The following EMB variants were observed in gnomAD, a reference collection of about 807,000 sequenced individuals.
EMB encodes embigin, also known as embigin homolog.
A neutral mutation model predicts 41.4 loss-of-function variants in EMB; 31 were observed. The ratio of observed to expected loss-of-function variants is 0.75; its 90% CI spans 0.56 to 1.01. The LOEUF (loss-of-function observed/expected upper bound fraction) is 1.01. Among genes scored for constraint, EMB ranks in the 50% least tolerant of loss-of-function variants. The pLI is 0.00. For missense variants in EMB, 379 were observed against 388.3 expected, an observed-to-expected ratio of 0.98 and a Z score of 0.20; for synonymous variants, 137 against 140.4, an observed-to-expected ratio of 0.98 and a Z score of 0.17.
intron 1 of EMB, among the ~76,000 whole-genome samples, chr5:50,437,471 C>A (rs1220902127): frequency 6.6e-6 from 1 of 151,956 alleles, no homozygotes; most frequent in Non-Finnish European, 1.5e-5. Flanking sequence ...TACTTTGTAC[C>A]CCATCAAACT....
intron 1 of EMB, among the ~76,000 whole-genome samples, chr5:50,436,053 A>G (rs937929145): frequency 2.1e-4 from 32 of 152,200 alleles, no homozygotes; most frequent in Non-Finnish European, 1.0e-4. Context: ...CTATTAGTAA[A>G]GAATGGTATT....
chr5:50,412,586 C>A (rs1745359530), intron 2 of EMB, among the ~76,000 whole-genome samples: 2 of 151,906 alleles, frequency 1.3e-5, no homozygotes, highest in Admixed American at 6.6e-5. Flanking sequence ...GCCTTTCTCT[C>A]CTCCTCTCCT....
intron 2 of EMB, among the ~76,000 whole-genome samples, chr5:50,421,501 T>A (rs1745522682): frequency 6.6e-6 from 1 of 152,036 alleles, no homozygotes; most frequent in Admixed American, 6.6e-5. Flanking sequence ...TCCTCAGGGA[T>A]CTAGAACTAG....
At chr5:50,437,737 C>T (rs1745828118) in intron 1 of EMB, among the ~76,000 whole-genome samples, 1 of 151,842 alleles carries the variant, frequency 6.6e-6, no homozygotes, top group South Asian at 2.1e-4. Flanking sequence ...TAGAAAGCTG[C>T]TGTGTTTGGG....
upstream of EMB, among the ~76,000 whole-genome samples, chr5:50,442,580 TCTC>T (rs1471871168): frequency 6.6e-6 from 1 of 152,142 alleles, no homozygotes; most frequent in African/African-American, 2.4e-5. Flanking sequence ...AAAAGCCTCT[TCTC>T]AGAAAATTAT....
intron 2 of EMB, among the ~76,000 whole-genome samples, chr5:50,420,131 G>A (rs534010152): frequency 3.9e-5 from 6 of 152,146 alleles, no homozygotes; most frequent in East Asian, 1.9e-4. Flanking sequence ...CATGGCACAC[G>A]TTTACCTATG....
upstream of EMB, chr5:50,442,846 T>C (rs1486774149): frequency 6.6e-6 from 1 of 152,152 alleles, no homozygotes; most frequent in Non-Finnish European, 1.5e-5. Context: ...TCTGACTGAC[T>C]TTTCCCAGTT....
At position 50,403,342 on chromosome 5, in the gene EMB, C is replaced by T. The variant is rs776003200; in HGVS notation, c.713G>A (p.Arg238His). The change falls in exon 6 of 9, where the codon CGT becomes CAT. Residue 238 changes from arginine (R) to histidine (H), a missense_variant. Coordinates refer to ENST00000303221, the MANE Select transcript of EMB (RefSeq NM_198449.3). ...LEEDGESYWCRALFQLGESEE... is the reference protein window; with the variant it reads ...LEEDGESYWCHALFQLGESEE... ...ACTCTCGCCTAATTGGAATAGTGCACGGCACCAGTAAGATTCCCCATCTTC... is the reference window on the plus strand; with the variant it reads ...ACTCTCGCCTAATTGGAATAGTGCATGGCACCAGTAAGATTCCCCATCTTC... 1.2e-5 allele frequency: 19 copies of T among 1,612,580 alleles called. No individual in the cohort carries two copies. The highest frequency in any genetic ancestry group is 8.0e-5 in the African/African-American group (6 of 74,764).
At chr5:50,406,482 C>T (rs752069843) in intron 4 of EMB, among the ~76,000 whole-genome samples, 2 of 151,008 alleles carry the variant, frequency 1.3e-5, no homozygotes, top group Non-Finnish European at 3.0e-5. Context: ...AAGTAGATTC[C>T]ATTAGAAACA....
intron 2 of EMB, among the ~76,000 whole-genome samples, chr5:50,412,635 T>G (rs1297276757): frequency 6.7e-6 from 1 of 149,804 alleles, no homozygotes; most frequent in Non-Finnish European, 1.5e-5. Context: ...CACTTTTAAC[T>G]GGCCCTTTGA....
intron 1 of EMB, among the ~76,000 whole-genome samples, chr5:50,440,104 ACACACACACATG>A (rs1195069726): frequency 5.9e-5 from 9 of 152,016 alleles, no homozygotes; most frequent in African/African-American, 2.2e-4. Flanking sequence ...TCACACATAC[ACACACACACATG>A]CACACACACA....
chr5:50,438,741 G>T (rs555674676), intron 1 of EMB, among the ~76,000 whole-genome samples: 12 of 152,126 alleles, frequency 7.9e-5, no homozygotes, highest in African/African-American at 2.9e-4. Context: ...GCTTAAATTC[G>T]ATGCTAACTT....
At chr5:50,399,747 A>C (rs558424353) in intron 8 of EMB, 112 bp downstream of exon 8, 1 of 799,906 alleles carries the variant, frequency 1.3e-6, no homozygotes, top group African/African-American at 1.8e-5. Context: ...ATTTGAGCAC[A>C]TCATAAATGA....
chr5:50,410,936 C>T lies in EMB; in HGVS notation c.413G>A (p.Gly138Glu). The T allele has an allele frequency of 2.5e-6, 4 of 1,605,474 alleles. No homozygotes were observed. Among genetic ancestry groups the T allele is most frequent in the Non-Finnish European group, 3.4e-6 (4 of 1,176,712 alleles). The change falls in exon 4 of 9, where the codon GGA becomes GAA. Residue 138 changes from glycine (G) to glutamate (E), a missense_variant. Gly to Glu is a moderately conservative substitution (Grantham distance 98, BLOSUM62 -2). Transcript: ENST00000303221. ...RFTIINSKQM[G>E]SYSCFFREEK... ...CTCTCGAAAGAAACAAGAATAACTTCCCATTTGTTTGCTATTAATGATGGT... is the reference window on the plus strand; with the variant it reads ...CTCTCGAAAGAAACAAGAATAACTTTCCATTTGTTTGCTATTAATGATGGT...
At chr5:50,405,582 CTT>C (rs1271102386) in intron 5 of EMB, 141 bp downstream of exon 5, 17 of 1,234,370 alleles carry the variant, frequency 1.4e-5, no homozygotes, top group Admixed American at 7.0e-5. Context: ...TGTCACTGCT[CTT>C]TCTTTATGAA....
rs139530854 is a variant in EMB at position 50,428,161 on chromosome 5, T to C, written c.179A>G (p.His60Arg). 5 of 1,609,636 alleles carry C rather than the reference T, an allele frequency of 3.1e-6. No homozygotes were observed. Among genetic ancestry groups the C allele is most frequent in the Non-Finnish European group, 4.3e-6 (5 of 1,176,442 alleles). Reference sequence around the variant, plus strand: ...ACATTTACCAGTCAGTGATATGTTATGACTCTCCAAGGAAAAGTTATTTGC... The same window carrying C: ...ACATTTACCAGTCAGTGATATGTTACGACTCTCCAAGGAAAAGTTATTTGC... ...IMANNFSLESHNISLTEHSSM... is the reference protein window; with the variant it reads ...IMANNFSLESRNISLTEHSSM... The change falls in exon 2 of 9, where the codon CAT (histidine) becomes CGT (arginine). Residue 60 changes from histidine (H) to arginine (R), a missense_variant. Physicochemically the swap from His to Arg is conservative, Grantham distance 29 (BLOSUM62 0). Coordinates refer to ENST00000303221, the MANE Select transcript of EMB (RefSeq NM_198449.3).
At chr5:50,424,512 G>C (rs927513892) in intron 2 of EMB, among the ~76,000 whole-genome samples, 1 of 152,186 alleles carries the variant, frequency 6.6e-6, no homozygotes, top group African/African-American at 2.4e-5. Flanking sequence ...GTGAGGTCCT[G>C]TGCCTGTGAT....
At chr5:50,405,591 T>G in intron 5 of EMB, 134 bp downstream of exon 5, 1 of 1,288,394 alleles carries the variant, frequency 7.8e-7, no homozygotes, top group East Asian at 2.8e-5. Context: ...TCTTTCTTTA[T>G]GAACATAAGC....
At position 50,399,253 on chromosome 5, in the gene EMB, C is replaced by G. The variant is rs1464501574; in HGVS notation, c.*20G>C. 1 of 1,608,036 alleles carries G rather than the reference C, an allele frequency of 6.2e-7. No homozygotes were observed. The highest frequency in any genetic ancestry group is 1.1e-5 in the South Asian group (1 of 90,282). ...GAACTCTGTATATCTTCCAATGATT[C>G]TCGACATGATGTTTTGTATTCACTG... On this transcript the variant is annotated 3_prime_UTR_variant, in exon 9 of 9. Coordinates refer to ENST00000303221, the MANE Select transcript of EMB (RefSeq NM_198449.3).
Sources: allele counts gnomAD v4.1 joint callset (sites outside exome capture counted in the v4.1 genomes callset), GRCh38; gene constraint gnomAD v4.1.1; transcripts MANE v1.5; gene names NCBI Gene and HGNC (gene_info 2026-07-23, HGNC 2026-07-21).